FGD4: variants seen among roughly 807,000 people sequenced by gnomAD.
The protein encoded by FGD4 is FYVE, RhoGEF and PH domain containing 4.
A neutral mutation model predicts 102.0 loss-of-function variants in FGD4; 42 were observed. The observed-to-expected ratio is 0.41, with a 90% CI of 0.32 to 0.53. The LOEUF (loss-of-function observed/expected upper bound fraction) is 0.53. Among genes scored for constraint, FGD4 ranks in the 20% least tolerant of loss-of-function variants. FGD4 has a pLI of 0.21. For synonymous variants in FGD4, 380 were observed against 375.7 expected, an observed-to-expected ratio of 1.01 and a Z score of -0.13; for missense variants, 902 against 1,078.2, an observed-to-expected ratio of 0.84 and a Z score of 2.29.
chr12:32,452,342 T>C (rs1942802524), intron 1 of FGD4, among the ~76,000 whole-genome samples: 1 of 152,232 alleles, frequency 6.6e-6, no homozygotes. Context: ...GTAATGAATC[T>C]AGTGGTCAGT....
chr12:32,431,212 C>T (rs1465759090), intron 1 of FGD4, among the ~76,000 whole-genome samples: 1 of 152,190 alleles, frequency 6.6e-6, no homozygotes, highest in East Asian at 1.9e-4. Context: ...GATTAGCTGG[C>T]AGCAGATGTG....
intron 2 of FGD4, among the ~76,000 whole-genome samples, chr12:32,568,396 A>G (rs1001525499): frequency 6.6e-6 from 1 of 152,218 alleles, no homozygotes; most frequent in African/African-American, 2.4e-5. Flanking sequence ...ACTTCATACC[A>G]ATCCTAATAG....
intron 1 of FGD4, among the ~76,000 whole-genome samples, chr12:32,414,611 C>T (rs1190782956): frequency 6.6e-6 from 1 of 152,078 alleles, no homozygotes; most frequent in African/African-American, 2.4e-5. Context: ...GGTAATCATT[C>T]TTCTACTATC....
intron 1 of FGD4, among the ~76,000 whole-genome samples, chr12:32,445,008 T>C (rs1942571317): frequency 6.6e-6 from 1 of 152,180 alleles, no homozygotes; most frequent in Admixed American, 6.5e-5. Context: ...CATTGATGAG[T>C]AAGTTCCATG....
rs1050439842 is a variant in FGD4 at position 32,645,586 on chromosome 12, A to G, written c.*5053A>G. 1.3e-5 allele frequency: 2 copies of G among 152,294 alleles called. No individual in the cohort carries two copies. The highest frequency in any genetic ancestry group is 2.9e-5 in the Non-Finnish European group (2 of 68,106). 9.4% of individuals were successfully genotyped at this position (152,294 alleles called of 1,614,324 possible). A position where few individuals can be genotyped will look rare whatever the true frequency, so the allele number is the denominator to read the frequency against. The stretch of plus-strand genomic sequence containing the variant: ...GGAGTTCGAGACCAGCCTGGCCAAC[A>G]TGGCAAAACCCTGTCTCTACAAAAA... On this transcript the variant is annotated 3_prime_UTR_variant, in exon 17 of 17. Transcript: ENST00000534526.
At chr12:32,502,450 C>A in intron 1 of FGD4, 1 of 492,706 alleles carries the variant, frequency 2.0e-6, no homozygotes, top group Non-Finnish European at 2.6e-6. Flanking sequence ...AAACCTCCAG[C>A]GTCATACACT....
chr12:32,431,772 TAA>T (rs1158028860), intron 1 of FGD4, among the ~76,000 whole-genome samples: 5 of 142,614 alleles, frequency 3.5e-5, no homozygotes, highest in Middle Eastern at 3.3e-3. Context: ...GATTCTGTCT[TAA>T]AAAAAAAAAA....
chr12:32,480,511 C>T (rs1372403600), intron 1 of FGD4, among the ~76,000 whole-genome samples: 6 of 148,890 alleles, frequency 4.0e-5, no homozygotes, highest in Admixed American at 1.3e-4. Flanking sequence ...TTGTTTTTTT[C>T]GTTTTTTTGA....
At chr12:32,588,119 G>A (rs1947195343) in intron 4 of FGD4, among the ~76,000 whole-genome samples, 2 of 152,138 alleles carry the variant, frequency 1.3e-5, no homozygotes, top group Admixed American at 6.5e-5. Context: ...CAGGCATATT[G>A]GAAAGCTTTA....
In FGD4 at chr12:32,485,896, C is replaced by T. The variant is rs560545741; in HGVS notation, c.167-78241C>T. On this transcript the variant is annotated intron_variant, in intron 1 of 16. Coordinates refer to ENST00000534526, the MANE Select transcript of FGD4 (RefSeq NM_001370298.3). ...AACACCTTCGTGGAATTTTGAAATG[C>T]GTTGCTTGCGTAGTTCCTTGAGCCT... 1.1e-4 allele frequency: 137 copies of T among 1,246,788 alleles called. No individual in the cohort carries two copies. The African/African-American group carries it at 1.9e-3, about 18-fold the overall frequency. The allele number at this position is 1,246,788 out of a possible 1,614,324, so 77.2% of individuals were successfully genotyped here.
intron 13 of FGD4, 43 bp downstream of exon 13, chr12:32,625,111 T>C: frequency 6.7e-7 from 1 of 1,502,166 alleles, no homozygotes; most frequent in African/African-American, 1.4e-5. Context: ...TTTCATATCT[T>C]TGCAGGTGTA....
chr12:32,556,715 GCA>G (rs765548734), intron 1 of FGD4, among the ~76,000 whole-genome samples: 17 of 151,878 alleles, frequency 1.1e-4, no homozygotes, highest in Non-Finnish European at 2.1e-4. Flanking sequence ...AAAATTAGCT[GCA>G]CATGGTGGTG....
intron 1 of FGD4, among the ~76,000 whole-genome samples, chr12:32,410,957 GTC>G (rs1941183352): frequency 7.3e-6 from 1 of 137,278 alleles, no homozygotes; most frequent in Non-Finnish European, 1.5e-5. Context: ...TTGAGATAGA[GTC>G]TCACTCTGTC....
intron 1 of FGD4, among the ~76,000 whole-genome samples, chr12:32,555,992 C>G (rs1944080613): frequency 6.6e-6 from 1 of 152,048 alleles, no homozygotes; most frequent in Non-Finnish European, 1.5e-5. Context: ...TGTGCACCAC[C>G]ATGCCCAGCT....
chr12:32,503,157 G>GA (rs1354861679), intron 1 of FGD4, among the ~76,000 whole-genome samples: 1 of 151,786 alleles, frequency 6.6e-6, no homozygotes, highest in African/African-American at 2.4e-5. Flanking sequence ...ATATAAATGT[G>GA]AAAAAACAAA....
intron 1 of FGD4, among the ~76,000 whole-genome samples, chr12:32,455,111 A>C (rs1384234285): frequency 6.6e-6 from 1 of 152,182 alleles, no homozygotes; most frequent in East Asian, 1.9e-4. Context: ...GAAACGAGGA[A>C]GATTGCATTG....
intron 7 of FGD4, among the ~76,000 whole-genome samples, chr12:32,604,185 C>A (rs1318139113): frequency 1.3e-5 from 2 of 151,886 alleles, no homozygotes; most frequent in Non-Finnish European, 2.9e-5. Context: ...GGGTGTGGAC[C>A]TTTTTGTATT....
At chr12:32,490,493 T>A (rs560549448) in intron 1 of FGD4, among the ~76,000 whole-genome samples, 1 of 150,006 alleles carries the variant, frequency 6.7e-6, no homozygotes, top group African/African-American at 2.5e-5. Context: ...ACCTCCCAGG[T>A]TCAAGCGATT....
intron 15 of FGD4, among the ~76,000 whole-genome samples, chr12:32,638,197 A>G (rs1455926222): frequency 6.6e-6 from 1 of 152,158 alleles, no homozygotes; most frequent in Non-Finnish European, 1.5e-5. Context: ...CCCTGTTTCT[A>G]CAAAAAATTT....
Sources: allele counts gnomAD v4.1 joint callset (sites outside exome capture counted in the v4.1 genomes callset), GRCh38; gene constraint gnomAD v4.1.1; transcripts MANE v1.5; gene names NCBI Gene and HGNC (gene_info 2026-07-23, HGNC 2026-07-21).